PLD5: variants seen among roughly 807,000 people sequenced by gnomAD.
PLD5 encodes inactive phospholipase D5.
In PLD5, 36 loss-of-function variants were observed where a neutral mutation model predicts 61.1. That is an observed-to-expected ratio of 0.59 (90% CI 0.45 to 0.78). The LOEUF (loss-of-function observed/expected upper bound fraction) is 0.78. PLD5 is among the 30% of genes least tolerant of loss of function. The pLI is 0.00. For synonymous variants in PLD5, 243 were observed against 242.8 expected (o/e 1.00, Z -0.01); for missense variants, 515 against 644.4 (o/e 0.80, Z 2.17).
At chr1:242,302,554 C>T (rs1013441884) in intron 2 of PLD5, among the ~76,000 whole-genome samples, 10 of 152,018 alleles carry the variant, frequency 6.6e-5, no homozygotes, top group Admixed American at 2.0e-4. Flanking sequence ...CTGTCTCTAC[C>T]AAAAAACTTT....
At chr1:242,442,029 CA>C (rs1423421972) in intron 1 of PLD5, among the ~76,000 whole-genome samples, 2 of 152,182 alleles carry the variant, frequency 1.3e-5, no homozygotes, top group African/African-American at 2.4e-5. Flanking sequence ...AAGAGTGAAG[CA>C]TTCTCTCTGC....
At chr1:242,389,556 A>G (rs1257666688) in intron 1 of PLD5, among the ~76,000 whole-genome samples, 4 of 151,732 alleles carry the variant, frequency 2.6e-5, no homozygotes, top group Non-Finnish European at 5.9e-5. Flanking sequence ...AAACTCTCAA[A>G]TACTCTGAGG....
At chr1:242,396,670 TTTC>T (rs1406151370) in intron 1 of PLD5, among the ~76,000 whole-genome samples, 9 of 54,996 alleles carry the variant, frequency 1.6e-4, no homozygotes, top group African/African-American at 5.6e-4. Flanking sequence ...TTTCTTTTCT[TTTC>T]TTTTTTTTTT....
intron 5 of PLD5, among the ~76,000 whole-genome samples, chr1:242,163,569 A>G (rs1666053812): frequency 6.6e-6 from 1 of 152,196 alleles, no homozygotes; most frequent in Non-Finnish European, 1.5e-5. Context: ...AAGGATGTTT[A>G]ATCATCATGT....
In PLD5 at chr1:242,313,303, C is replaced by T. The variant is rs560831111; in HGVS notation, c.327-24773G>A. On this transcript the variant is annotated intron_variant, in intron 2 of 9. Transcript: ENST00000536534. Reference sequence around the variant, plus strand: ...ATCAGTTGCCTAATCTATGCTATGCCCATCTTCCTCTGCAGTGCTATTGTG... The same window carrying T: ...ATCAGTTGCCTAATCTATGCTATGCTCATCTTCCTCTGCAGTGCTATTGTG... Among the ~76,000 whole-genome samples the T allele has an allele frequency of 2.0e-5, 3 of 152,278 alleles. No individual in the cohort carries two copies. In the South Asian group the frequency reaches 6.2e-4, roughly 32 times the overall value.
intron 7 of PLD5, among the ~76,000 whole-genome samples, chr1:242,109,445 T>C (rs1661311737): frequency 6.6e-6 from 1 of 152,080 alleles, no homozygotes; most frequent in Admixed American, 6.5e-5. Flanking sequence ...GCCACTGCAC[T>C]CCAGCCTGGG....
Position 242,320,027 on chromosome 1 carries a change from A to G in PLD5, c.326+28079T>C, listed in dbSNP as rs56763144. The stretch of plus-strand genomic sequence containing the variant: ...TTCTCTTTGGAAAAAAGCACAGACC[A>G]CAGATTTTTCCTATGATTTTGTGTT... On this transcript the variant is annotated intron_variant, in intron 2 of 9. Coordinates refer to ENST00000536534, the MANE Select transcript of PLD5 (RefSeq NM_001372062.1). Among the ~76,000 whole-genome samples, 55 of 152,244 alleles carry G rather than the reference A, an allele frequency of 3.6e-4. No homozygotes were observed. The East Asian group carries it at 8.9e-3, about 25-fold the overall frequency.
chr1:242,397,346 G>GT (rs112932499), intron 1 of PLD5, among the ~76,000 whole-genome samples: 23,544 of 145,232 alleles, frequency 0.16, 2,810 homozygotes, highest in African/African-American at 0.34. Flanking sequence ...TTTTTTCTTT[G>GT]TTTTTTTTTT....
At chr1:242,515,983 A>C (rs1185286919) in intron 1 of PLD5, among the ~76,000 whole-genome samples, 1 of 152,082 alleles carries the variant, frequency 6.6e-6, no homozygotes, top group African/African-American at 2.4e-5. Context: ...TTTTATTTTA[A>C]TTTCAGCCAT....
intron 2 of PLD5, among the ~76,000 whole-genome samples, chr1:242,324,580 C>T (rs1479617599): frequency 6.6e-6 from 1 of 152,106 alleles, no homozygotes; most frequent in African/African-American, 2.4e-5. Flanking sequence ...ATAGCCCCTC[C>T]CTAAAACAAA....
intron 7 of PLD5, 61 bp downstream of exon 7, chr1:242,113,829 G>T (rs556407807): frequency 1.3e-6 from 2 of 1,546,798 alleles, no homozygotes; most frequent in Admixed American, 2.0e-5. Context: ...CTCCTGTGGT[G>T]CCCAGTTTAG....
upstream of PLD5, among the ~76,000 whole-genome samples, chr1:242,526,485 G>A (rs754266164): frequency 9.2e-5 from 14 of 152,154 alleles, no homozygotes; most frequent in Non-Finnish European, 1.3e-4. Flanking sequence ...CACCAGGCTG[G>A]AGTGCAGTGG....
At chr1:242,144,104 A>C (rs1206020271) in intron 5 of PLD5, among the ~76,000 whole-genome samples, 1 of 152,092 alleles carries the variant, frequency 6.6e-6, no homozygotes, top group Non-Finnish European at 1.5e-5. Context: ...CCTGGCCTTA[A>C]GTGATCTGCC....
At chr1:242,215,489 G>A (rs986018273) in intron 5 of PLD5, among the ~76,000 whole-genome samples, 3 of 152,184 alleles carry the variant, frequency 2.0e-5, no homozygotes, top group Non-Finnish European at 4.4e-5. Context: ...TCGATCAGCT[G>A]TAGATATGCA....
intron 1 of PLD5, among the ~76,000 whole-genome samples, chr1:242,460,494 C>T (rs1667084609): frequency 2.0e-5 from 3 of 152,126 alleles, no homozygotes; most frequent in Admixed American, 2.0e-4. Context: ...TTCTTATAGT[C>T]CCATGTTCAA....
In PLD5 at chr1:242,390,699, T is replaced by C. The variant is rs141658713; in HGVS notation, c.190-42457A>G. Reference sequence around the variant, plus strand: ...AAAACATAAAGTTCCTGTATTTTAATATGTGGTTTGGCATGAAATCAGTCC... The same window carrying C: ...AAAACATAAAGTTCCTGTATTTTAACATGTGGTTTGGCATGAAATCAGTCC... On this transcript the variant is annotated intron_variant, in intron 1 of 9. Coordinates refer to ENST00000536534, the MANE Select transcript of PLD5 (RefSeq NM_001372062.1). Among the ~76,000 whole-genome samples the C allele has an allele frequency of 1.3e-3, 196 of 152,294 alleles. 1 individual carries two copies. Among genetic ancestry groups the C allele is most frequent in the African/African-American group, 4.4e-3 (182 of 41,562 alleles).
Position 242,285,180 on chromosome 1 carries a change from C to T in PLD5, c.495+3182G>A, listed in dbSNP as rs12077923. On this transcript the variant is annotated intron_variant, in intron 3 of 9. Transcript: ENST00000536534. ...TTAGAGAGTGACTTGAACTAAGCTT[C>T]TAAGTGTTATCATCTTTCTACATCA... is the stretch of plus-strand genomic sequence containing the variant. Among the ~76,000 whole-genome samples the T allele has an allele frequency of 2.0e-5, 3 of 152,220 alleles. No homozygotes were observed. In the East Asian group the frequency reaches 5.8e-4, roughly 29 times the overall value.
intron 2 of PLD5, among the ~76,000 whole-genome samples, chr1:242,296,200 T>TA (rs1478468356): frequency 6.6e-6 from 1 of 152,166 alleles, no homozygotes; most frequent in African/African-American, 2.4e-5. Context: ...ATATGTCTCC[T>TA]TTTGAAAAGT....
At chr1:242,090,308 T>G (rs1327275901) in intron 9 of PLD5, among the ~76,000 whole-genome samples, 198 bp from the exon 10 acceptor site, 4 of 152,250 alleles carry the variant, frequency 2.6e-5, no homozygotes, top group Admixed American at 2.6e-4. Context: ...GCATATTATT[T>G]TGGCATTTTC....
Sources: allele counts gnomAD v4.1 joint callset (sites outside exome capture counted in the v4.1 genomes callset), GRCh38; gene constraint gnomAD v4.1.1; transcripts MANE v1.5; gene names NCBI Gene and HGNC (gene_info 2026-07-23, HGNC 2026-07-21).